COL4A2: variants seen among roughly 807,000 people sequenced by gnomAD.
The protein encoded by COL4A2 is collagen alpha-2(IV) chain.
In COL4A2, 99 loss-of-function variants were observed where a neutral mutation model predicts 200.2. The ratio of observed to expected loss-of-function variants is 0.49; its 90% CI spans 0.42 to 0.58. The LOEUF is 0.58. Ranked by LOEUF, COL4A2 falls within the 20% of genes least tolerant of loss-of-function variation. COL4A2 has a pLI of 0.00. For synonymous variants in COL4A2, 897 were observed against 900.6 expected (o/e 1.00, Z 0.07); for missense variants, 1,950 against 2,314.1 (o/e 0.84, Z 3.23).
At chr13:110,432,291 A>G in intron 10 of COL4A2, 34 bp from the exon 11 acceptor site, 1 of 1,591,842 alleles carries the variant, frequency 6.3e-7, no homozygotes, top group Non-Finnish European at 8.5e-7. Flanking sequence ...TGGGGTAAAG[A>G]AAACCATTTA....
Position 110,473,066 on chromosome 13 carries a change from C to T in COL4A2, c.2341C>T (p.Pro781Ser), listed in dbSNP as rs1393158472. 2 of 1,535,852 alleles carry T rather than the reference C, an allele frequency of 1.3e-6. No individual in the cohort carries two copies. Among genetic ancestry groups the T allele is most frequent in the Admixed American group, 2.1e-5 (1 of 48,050 alleles). ...GLPGEVLGAQ[P>S]GPRGDAGVPG... The stretch of plus-strand genomic sequence containing the variant: ...CCCTGGAGAAGTCCTGGGAGCTCAG[C>T]CCGGGCCACGGGGAGATGCTGGTGT... The change falls in exon 29 of 48, where the codon CCC (proline) becomes TCC (serine). Residue 781 changes from proline to serine, a missense_variant. Around this residue, in one of 2 missense-constraint regions of COL4A2, gnomAD observed 1,385 missense variants for 1,720.5 expected, o/e 0.80. Coordinates refer to ENST00000360467, the MANE Select transcript of COL4A2 (RefSeq NM_001846.4).
intron 28 of COL4A2, among the ~76,000 whole-genome samples, chr13:110,472,074 C>G (rs1318436577): frequency 6.6e-6 from 1 of 152,038 alleles, no homozygotes; most frequent in African/African-American, 2.4e-5. Context: ...CAGCTGCCTT[C>G]CCTCCATCCG....
rs113072348 is a variant in COL4A2, at chr13:110,360,732, A to G, written c.180+3180A>G. On this transcript the variant is annotated intron_variant, in intron 4 of 47. Transcript: ENST00000360467. ...CGGGTTATCAACACTGATCCAATTA[A>G]GCTGTGATTGGCAGCTGTCTGAAGG... Among the ~76,000 whole-genome samples the G allele has an allele frequency of 2.4e-3, 364 of 152,322 alleles. 2 individuals carry two copies. Among genetic ancestry groups the G allele is most frequent in the African/African-American group, 8.5e-3 (352 of 41,574 alleles).
intron 4 of COL4A2, among the ~76,000 whole-genome samples, chr13:110,419,615 C>T (rs1486923890): frequency 3.3e-5 from 5 of 152,192 alleles, no homozygotes; most frequent in African/African-American, 4.8e-5. Flanking sequence ...GGACCCTGAG[C>T]GCATTCTCTC....
chr13:110,336,493 G>C (rs926409913), intron 3 of COL4A2, among the ~76,000 whole-genome samples: 18 of 152,200 alleles, frequency 1.2e-4, no homozygotes, highest in Non-Finnish European at 2.5e-4. Context: ...GCGCTGCCCA[G>C]GGCTGGGCTT....
intron 3 of COL4A2, among the ~76,000 whole-genome samples, chr13:110,312,832 C>T (rs185776783): frequency 6.6e-5 from 10 of 152,338 alleles, no homozygotes; most frequent in Admixed American, 3.3e-4. Flanking sequence ...TAACCGGGTT[C>T]TGACTTCAGG....
intron 4 of COL4A2, among the ~76,000 whole-genome samples, chr13:110,374,227 C>T (rs926572164): frequency 4.6e-5 from 7 of 152,096 alleles, no homozygotes; most frequent in African/African-American, 1.4e-4. Flanking sequence ...AGGGCAGCTC[C>T]GTGATGTAAC....
chr13:110,332,049 A>T (rs1022389808), intron 3 of COL4A2, among the ~76,000 whole-genome samples: 3 of 152,190 alleles, frequency 2.0e-5, no homozygotes, highest in African/African-American at 7.2e-5. Flanking sequence ...CATTAATTCT[A>T]AATTTTACAA....
At chr13:110,459,674 G>T (rs1881942984) in intron 22 of COL4A2, 1 of 152,158 alleles carries the variant, frequency 6.6e-6, no homozygotes, top group South Asian at 2.1e-4. Context: ...GCACAACCTT[G>T]TGAAAATACT....
chr13:110,485,891 G>C, intron 34 of COL4A2, 55 bp downstream of exon 34: 2 of 1,599,038 alleles, frequency 1.3e-6, no homozygotes, highest in South Asian at 2.2e-5. Context: ...CCCTTTGCTT[G>C]TGAATGGACA....
chr13:110,480,932 G>A (rs372783442), intron 31 of COL4A2, among the ~76,000 whole-genome samples: 16,375 of 113,228 alleles, frequency 0.14, 1,582 homozygotes, highest in Non-Finnish European at 0.18. Flanking sequence ...CTGTCCCTCC[G>A]TTGCTGGAGA....
rs563956461 is a variant in COL4A2, at chr13:110,502,006, T to C, written c.3877+222T>C. Among the ~76,000 whole-genome samples, 3 of 152,344 alleles carry C rather than the reference T, an allele frequency of 2.0e-5. No individual in the cohort carries two copies. In the East Asian group the frequency reaches 5.8e-4, roughly 29 times the overall value. On this transcript the variant is annotated intron_variant, in intron 41 of 47. Transcript: ENST00000360467. ...AGGCCATGTCATTTACTTGCTGTAA[T>C]AGCAGATATTCAAACTGCAGGGGGC...
intron 24 of COL4A2, 135 bp downstream of exon 24, chr13:110,462,519 A>C: frequency 1.3e-6 from 1 of 760,986 alleles, no homozygotes; most frequent in Non-Finnish European, 2.1e-6. Context: ...CATTCTGCTC[A>C]TTCTATTTCT....
intron 16 of COL4A2, among the ~76,000 whole-genome samples, chr13:110,445,193 C>G (rs985954664): frequency 2.0e-5 from 3 of 152,114 alleles, no homozygotes; most frequent in Non-Finnish European, 4.4e-5. Context: ...ACTTAAGAAA[C>G]CTTAATGCGT....
chr13:110,355,548 T>A lies in COL4A2; in HGVS notation c.100-1924T>A, dbSNP rs867555938. On this transcript the variant is annotated intron_variant, in intron 3 of 47. Transcript: ENST00000360467. Reference sequence around the variant, plus strand: ...AGGGCTGCACTAGCTCACCTGTGTGTGTGGGGGAGGGCTGTACTAGCTCAC... The same window carrying A: ...AGGGCTGCACTAGCTCACCTGTGTGAGTGGGGGAGGGCTGTACTAGCTCAC... Among the ~76,000 whole-genome samples, 25 of 29,600 alleles carry A rather than the reference T, an allele frequency of 8.4e-4. 3 individuals carry two copies. The highest frequency in any genetic ancestry group is 8.3e-4 in the African/African-American group (4 of 4,806). 19.4% of individuals were successfully genotyped at this position (29,600 alleles called of 152,430 possible). A position where few individuals can be genotyped will look rare whatever the true frequency, so the allele number is the denominator to read the frequency against.
At position 110,462,142 on chromosome 13, in the gene COL4A2, G is replaced by C; in HGVS notation, c.1625G>C (p.Gly542Ala). ...GTGCCTGGCAACATTGGTGCTCCCG[G>C]ACCCAAAGGAGCAAAAGGAGATTCC... ...KGVPGNIGAP[G>A]PKGAKGDSRT... The change falls in exon 23 of 48, where the codon GGA becomes GCA. Residue 542 changes from glycine to alanine, a missense_variant. Around this residue, in one of 2 missense-constraint regions of COL4A2, gnomAD observed 1,385 missense variants for 1,720.5 expected, o/e 0.80. Coordinates refer to ENST00000360467, the MANE Select transcript of COL4A2 (RefSeq NM_001846.4). 2 of 1,614,248 alleles carry C rather than the reference G, an allele frequency of 1.2e-6. No individual in the cohort carries two copies. Among genetic ancestry groups the C allele is most frequent in the Non-Finnish European group, 1.7e-6 (2 of 1,180,048 alleles).
chr13:110,426,837 C>T (rs1409450877), intron 6 of COL4A2, among the ~76,000 whole-genome samples: 1 of 152,136 alleles, frequency 6.6e-6, no homozygotes, highest in Non-Finnish European at 1.5e-5. Context: ...TGGAGCAGAA[C>T]ATGTGGAGAG....
In COL4A2 at chr13:110,511,807, A is replaced by T. The variant is rs1884089911; in HGVS notation, c.4882-127A>T. ...GAAGGCGCATTCGCGAGGATGCCTC[A>T]TGTCCGTATTGACACTCATGGTTTG... On this transcript the variant is annotated intron_variant, in intron 47 of 47. Coordinates refer to ENST00000360467, the MANE Select transcript of COL4A2 (RefSeq NM_001846.4). 2.0e-6 allele frequency: 3 copies of T among 1,466,584 alleles called. No individual in the cohort carries two copies. In the South Asian group the frequency reaches 3.7e-5, roughly 18 times the overall value. The allele number at this position is 1,466,584 out of a possible 1,614,324, so 90.8% of individuals were successfully genotyped here. A position where few individuals can be genotyped will look rare whatever the true frequency, so the allele number is the denominator to read the frequency against.
chr13:110,461,956 G>A, intron 22 of COL4A2, 158 bp from the exon 23 acceptor site: 2 of 1,034,112 alleles, frequency 1.9e-6, no homozygotes, highest in Non-Finnish European at 2.8e-6. Flanking sequence ...CTGGATGGGG[G>A]CGTATCCAGC....
Sources: allele counts gnomAD v4.1 joint callset (sites outside exome capture counted in the v4.1 genomes callset), GRCh38; gene constraint gnomAD v4.1.1; regional missense constraint gnomAD v4.1.1; transcripts MANE v1.5; gene names NCBI Gene and HGNC (gene_info 2026-07-23, HGNC 2026-07-21).